The following PCSK5 variants were observed in gnomAD, a reference collection of about 807,000 sequenced individuals.
The protein encoded by PCSK5 is prohormone convertase 5.
Under a neutral mutation model 233.2 loss-of-function variants are expected in PCSK5, and 129 were observed. The observed-to-expected ratio is 0.55, with a 90% CI of 0.48 to 0.64. The LOEUF is 0.64. PCSK5 is among the 30% of genes least tolerant of loss of function. The probability of loss-of-function intolerance (pLI) is 0.00; values close to 1 mark genes in which losing one functional copy is unlikely to be tolerated. For missense variants in PCSK5, 2,076 were observed against 2,430.1 expected (o/e 0.85, Z 3.06); for synonymous variants, 825 against 879.2 (o/e 0.94, Z 1.09).
At chr9:76,176,117 C>T (rs1241586252) in intron 14 of PCSK5, among the ~76,000 whole-genome samples, 3 of 151,948 alleles carry the variant, frequency 2.0e-5, no homozygotes, top group Admixed American at 6.6e-5. Flanking sequence ...TGAATATTCA[C>T]ATGCTTTGCT....
chr9:76,342,644 C>A (rs891736778), intron 35 of PCSK5, among the ~76,000 whole-genome samples: 2 of 152,190 alleles, frequency 1.3e-5, no homozygotes, highest in African/African-American at 4.8e-5. Flanking sequence ...TTACCTATGC[C>A]TTGGTGTCTC....
At chr9:75,930,316 A>G (rs1823724638) in intron 1 of PCSK5, among the ~76,000 whole-genome samples, 1 of 152,158 alleles carries the variant, frequency 6.6e-6, no homozygotes, top group Non-Finnish European at 1.5e-5. Context: ...GCCAAACAAT[A>G]TCAGCCAGAG....
intron 9 of PCSK5, among the ~76,000 whole-genome samples, chr9:76,107,751 C>T (rs1832038716): frequency 6.6e-6 from 1 of 152,190 alleles, no homozygotes; most frequent in South Asian, 2.1e-4. Context: ...ACGACAATAG[C>T]ACAGTCACAG....
chr9:76,350,782 T>TG (rs748075907), intron 35 of PCSK5, 46 bp from the exon 36 acceptor site: 2 of 1,137,774 alleles, frequency 1.8e-6, no homozygotes, highest in South Asian at 2.5e-5. Flanking sequence ...AGACAGAAGT[T>TG]GAAATCTAAG....
chr9:76,298,328 G>C (rs1349435421), intron 27 of PCSK5, among the ~76,000 whole-genome samples: 2 of 152,148 alleles, frequency 1.3e-5, no homozygotes, highest in African/African-American at 4.8e-5. Context: ...TGTTTTTGAG[G>C]AGAGGGAGGA....
intron 1 of PCSK5, among the ~76,000 whole-genome samples, chr9:75,927,142 A>T (rs546162942): frequency 6.6e-6 from 1 of 152,176 alleles, no homozygotes; most frequent in African/African-American, 2.4e-5. Context: ...TGTCTTGTTA[A>T]TGTTAGCCAT....
intron 5 of PCSK5, among the ~76,000 whole-genome samples, chr9:76,058,571 ATCT>A (rs983325173): frequency 2.2e-4 from 34 of 152,190 alleles, no homozygotes; most frequent in African/African-American, 8.2e-4. Context: ...GCAAATTTAA[ATCT>A]TCTTTGGATC....
Position 76,338,448 on chromosome 9 carries a change from GTGAGAGTCTACC to G in PCSK5, c.4966+4_4966+15del. On this transcript the variant is annotated splice_donor_variant and splice_donor_5th_base_variant and intron_variant, in intron 35 of 37. Coordinates refer to ENST00000674117, the MANE Select transcript of PCSK5 (RefSeq NM_001372043.1). LOFTEE classifies it high-confidence loss of function. The stretch of plus-strand genomic sequence containing the variant: ...CATCCGACTTGTGATCAATGCAAAG[GTGAGAGTCTACC>G]TGTCATTTTGCATGAGTGCGTAGAA... The G allele has an allele frequency of 6.3e-7, 1 of 1,598,356 alleles. No individual in the cohort carries two copies. The highest frequency in any genetic ancestry group is 8.6e-7 in the Non-Finnish European group (1 of 1,166,818).
rs115818532 is a variant in PCSK5 at position 76,337,948 on chromosome 9, G to A, written c.4749-282G>A. Among the ~76,000 whole-genome samples the A allele has an allele frequency of 3.2e-3, 484 of 152,228 alleles. 4 individuals are homozygous for A. Among genetic ancestry groups the A allele is most frequent in the African/African-American group, 0.011 (463 of 41,534 alleles). ...GAAAAAGGCAATGGTAGCTAGCAAC[G>A]ATGGAGGTGCTACTAGGTGTTATAA... On this transcript the variant is annotated intron_variant, in intron 34 of 37. Coordinates refer to ENST00000674117, the MANE Select transcript of PCSK5 (RefSeq NM_001372043.1).
At chr9:76,304,167 G>C (rs1300070176) in intron 28 of PCSK5, among the ~76,000 whole-genome samples, 1 of 152,138 alleles carries the variant, frequency 6.6e-6, no homozygotes, top group Non-Finnish European at 1.5e-5. Flanking sequence ...GCGAGACTCT[G>C]TCTCAAAAAA....
At chr9:76,327,860 C>T in intron 32 of PCSK5, 149 bp from the exon 33 acceptor site, 3 of 675,952 alleles carry the variant, frequency 4.4e-6, no homozygotes, top group Middle Eastern at 4.2e-4. Context: ...CTGTACTCAA[C>T]TCATGGCCCC....
intron 1 of PCSK5, among the ~76,000 whole-genome samples, chr9:75,920,743 T>A (rs1217465034): frequency 6.6e-6 from 1 of 151,884 alleles, no homozygotes; most frequent in Non-Finnish European, 1.5e-5. Flanking sequence ...AAAGCGGAGG[T>A]TGCAGAGAGC....
intron 26 of PCSK5, 39 bp downstream of exon 26, chr9:76,295,450 G>C: frequency 6.2e-7 from 1 of 1,600,718 alleles, no homozygotes. Flanking sequence ...TAAGAACCAG[G>C]CACTGGAGCT....
intron 13 of PCSK5, among the ~76,000 whole-genome samples, chr9:76,171,938 G>GGT (rs1163293243): frequency 6.6e-6 from 1 of 151,578 alleles, no homozygotes; most frequent in Non-Finnish European, 1.5e-5. Flanking sequence ...TGGGTGGGGG[G>GGT]GTGTGTGTGT....
chr9:76,218,662 TGA>T (rs3077118), intron 20 of PCSK5, among the ~76,000 whole-genome samples: 3 of 150,872 alleles, frequency 2.0e-5, no homozygotes, highest in African/African-American at 7.3e-5. Flanking sequence ...CCACATCCTA[TGA>T]GAGAGAGAGA....
At chr9:76,301,434 A>G (rs1042205464) in intron 27 of PCSK5, among the ~76,000 whole-genome samples, 1 of 152,202 alleles carries the variant, frequency 6.6e-6, no homozygotes, top group Non-Finnish European at 1.5e-5. Flanking sequence ...ACTCACAAAG[A>G]TGTTGAGAGC....
At chr9:76,096,422 T>C (rs1439340174) in intron 8 of PCSK5, among the ~76,000 whole-genome samples, 2 of 152,206 alleles carry the variant, frequency 1.3e-5, no homozygotes, top group East Asian at 1.9e-4. Context: ...AATCTACGCC[T>C]GACTCAGTCC....
intron 17 of PCSK5, among the ~76,000 whole-genome samples, chr9:76,187,122 A>G (rs1010312266): frequency 1.3e-5 from 2 of 152,182 alleles, no homozygotes; most frequent in Admixed American, 1.3e-4. Context: ...TGTACTTTCC[A>G]AATTTTTTTA....
At chr9:76,262,876 C>T (rs895909403) in intron 24 of PCSK5, among the ~76,000 whole-genome samples, 18 of 150,972 alleles carry the variant, frequency 1.2e-4, no homozygotes, top group African/African-American at 4.4e-4. Context: ...GCAACCTGCT[C>T]ATCTGACAAA....
Sources: allele counts gnomAD v4.1 joint callset (sites outside exome capture counted in the v4.1 genomes callset), GRCh38; gene constraint gnomAD v4.1.1; transcripts MANE v1.5; gene names NCBI Gene and HGNC (gene_info 2026-07-23, HGNC 2026-07-21).